RUFY4: variants seen among roughly 807,000 people sequenced by gnomAD.
RUFY4 encodes RUN and FYVE domain containing 4.
A neutral mutation model predicts 69.0 loss-of-function variants in RUFY4; 73 were observed. That is an observed-to-expected ratio of 1.06 (90% CI 0.88 to 1.29). The LOEUF (loss-of-function observed/expected upper bound fraction) is 1.29. Ranked by LOEUF, RUFY4 falls within the 50% of genes most tolerant of loss-of-function variation. RUFY4 has a pLI of 0.00. For synonymous variants in RUFY4, 287 were observed against 271.8 expected (o/e 1.06, Z -0.55); for missense variants, 770 against 705.6 (o/e 1.09, Z -1.03).
chr2:218,087,283 T>C (rs780807979), intron 9 of RUFY4, among the ~76,000 whole-genome samples: 27 of 152,122 alleles, frequency 1.8e-4, no homozygotes, highest in Non-Finnish European at 3.7e-4. Context: ...AATATTGACC[T>C]GGTGCAACTA....
chr2:218,067,244 C>T (rs12472596), upstream of RUFY4, among the ~76,000 whole-genome samples: 4 of 151,900 alleles, frequency 2.6e-5, no homozygotes, highest in African/African-American at 9.7e-5. Context: ...CCCCACCTCC[C>T]GGGCCCCTTG....
intron 2 of RUFY4, among the ~76,000 whole-genome samples, chr2:218,071,543 A>ACACACAC (rs1689487414): frequency 6.6e-6 from 1 of 151,954 alleles, no homozygotes; most frequent in South Asian, 2.1e-4. Context: ...CACACGTGCC[A>ACACACAC]CACACACCAC....
At chr2:218,059,427 C>G (rs1438027021) in intron 3 of RUFY4, 1 of 166,470 alleles carries the variant, frequency 6.0e-6, no homozygotes, top group African/African-American at 2.4e-5. Flanking sequence ...ACTCCCCATA[C>G]TCCCCTCCCC....
chr2:218,082,313 C>T lies in RUFY4; in HGVS notation c.1356-797C>T, dbSNP rs184889389. Among the ~76,000 whole-genome samples, 57 of 152,330 alleles carry T rather than the reference C, an allele frequency of 3.7e-4. 1 individual carries two copies. The highest frequency in any genetic ancestry group is 1.2e-3 in the African/African-American group (51 of 41,574). ...AAAACACCACCTAAATCCTTCACTGCTCCCCTTCCACACACAATTATTTCC... is the reference window on the plus strand; with the variant it reads ...AAAACACCACCTAAATCCTTCACTGTTCCCCTTCCACACACAATTATTTCC... On this transcript the variant is annotated intron_variant, in intron 8 of 10. Coordinates refer to ENST00000344321, the Ensembl canonical transcript of RUFY4.
At chr2:218,088,328 C>T (rs1278934539) in intron 9 of RUFY4, among the ~76,000 whole-genome samples, 1 of 151,704 alleles carries the variant, frequency 6.6e-6, no homozygotes, top group Non-Finnish European at 1.5e-5. Flanking sequence ...TAGCCAGGCA[C>T]GTGCCTATAG....
At chr2:218,048,812 A>G (rs1377589960) in intron 2 of RUFY4, among the ~76,000 whole-genome samples, 2 of 152,094 alleles carry the variant, frequency 1.3e-5, no homozygotes, top group Non-Finnish European at 2.9e-5. Context: ...AGAGGTAAAC[A>G]TGTTCATTAA....
At position 218,070,703 on chromosome 2, in the gene RUFY4, G is replaced by A. The variant is rs1456244310; in HGVS notation, c.47-50G>A. On this transcript the variant is annotated intron_variant, in intron 1 of 10. Coordinates refer to ENST00000344321, the Ensembl canonical transcript of RUFY4. The stretch of plus-strand genomic sequence containing the variant: ...GGACTGAGTCATGGGAGAAGTCAGG[G>A]TCTGGGAGCCCCTCCCTCAGCGACC... The A allele has an allele frequency of 3.3e-6, 5 of 1,535,194 alleles. No individual in the cohort carries two copies. The Admixed American group carries it at 9.8e-5, about 30-fold the overall frequency.
chr2:218,051,540 G>T (rs1432080074), intron 2 of RUFY4, among the ~76,000 whole-genome samples: 1 of 125,004 alleles, frequency 8.0e-6, no homozygotes, highest in Non-Finnish European at 1.7e-5. Context: ...CTTGTCCTAA[G>T]ATAAAATGAC....
rs184384823 is a variant in RUFY4, at chr2:218,072,537, G to A, written c.279+38G>A. On this transcript the variant is annotated intron_variant, in intron 3 of 10. Coordinates refer to ENST00000344321, the Ensembl canonical transcript of RUFY4. ...AGGCAGCAAGAAGGCTGACGGGGTG[G>A]GGGTAGACATAGGCCTCCTCCTTTT... The A allele has an allele frequency of 2.5e-4, 377 of 1,534,008 alleles. 5 individuals carry two copies. In the Middle Eastern group the frequency reaches 3.7e-3, roughly 15 times the overall value.
At chr2:218,081,385 C>T (rs529981194) in intron 8 of RUFY4, among the ~76,000 whole-genome samples, 1 of 152,356 alleles carries the variant, frequency 6.6e-6, no homozygotes, top group Non-Finnish European at 1.5e-5. Flanking sequence ...GGTCAGCTTC[C>T]ATTTCACCTT....
At chr2:218,036,773 G>A (rs186161557) in intron 2 of RUFY4, among the ~76,000 whole-genome samples, 19 of 152,370 alleles carry the variant, frequency 1.2e-4, no homozygotes, top group East Asian at 3.9e-4. Flanking sequence ...TGTCCACAGC[G>A]TGAAGTCATC....
At chr2:218,044,068 C>T (rs941596201) in intron 2 of RUFY4, among the ~76,000 whole-genome samples, 1 of 152,216 alleles carries the variant, frequency 6.6e-6, no homozygotes, top group African/African-American at 2.4e-5. Flanking sequence ...AGAGACCAGG[C>T]AGCAGGAGCA....
chr2:218,070,830 C>T, exon 2 of RUFY4: 3 of 1,536,898 alleles, frequency 2.0e-6, no homozygotes, highest in Non-Finnish European at 2.6e-6. Context: ...GCTGCACAGA[C>T]TCTGTGGCTG....
intron 2 of RUFY4, among the ~76,000 whole-genome samples, chr2:218,049,080 T>C (rs1688888675): frequency 6.6e-6 from 1 of 152,234 alleles, no homozygotes; most frequent in Admixed American, 6.5e-5. Context: ...GTTTCATGGC[T>C]GTACTGGCTG....
intron 5 of RUFY4, 146 bp from the exon 8 acceptor site, chr2:218,073,670 G>A (rs1326615112): frequency 1.1e-6 from 1 of 892,548 alleles, no homozygotes; most frequent in Non-Finnish European, 1.7e-6. Context: ...GATGAATGGA[G>A]GATGGGATGC....
chr2:218,080,072 C>T (rs1301522071), intron 8 of RUFY4, among the ~76,000 whole-genome samples: 2 of 152,122 alleles, frequency 1.3e-5, no homozygotes, highest in Non-Finnish European at 2.9e-5. Flanking sequence ...GTGCTGTGGC[C>T]AGGGGAATGT....
At chr2:218,083,396 C>A (rs956957644) in intron 9 of RUFY4, 140 bp downstream of exon 11, 3 of 1,113,978 alleles carry the variant, frequency 2.7e-6, no homozygotes, top group Non-Finnish European at 3.7e-6. Context: ...CCTTCTGTTT[C>A]TTTTAGCCAC....
intron 2 of RUFY4, among the ~76,000 whole-genome samples, chr2:218,046,696 A>G (rs969564686): frequency 1.3e-5 from 2 of 152,242 alleles, no homozygotes; most frequent in Admixed American, 1.3e-4. Context: ...TACAATTTCT[A>G]GAACACTCAT....
At chr2:218,043,355 G>C (rs961500039) in intron 2 of RUFY4, among the ~76,000 whole-genome samples, 9 of 152,118 alleles carry the variant, frequency 5.9e-5, no homozygotes, top group African/African-American at 1.9e-4. Flanking sequence ...GTAGTCTGCA[G>C]CTCTCAACAG....
Sources: gnomAD v4.1 joint callset for allele counts (sites outside exome capture counted in the v4.1 genomes callset) on GRCh38, gnomAD v4.1.1 for gene constraint, MANE v1.5 for transcripts, NCBI Gene and HGNC (gene_info 2026-07-23, HGNC 2026-07-21) for gene names.